JARID2: variants seen among roughly 807,000 people sequenced by gnomAD.
JARID2 encodes jumonji and AT-rich interaction domain containing 2.
Under a neutral mutation model 125.6 loss-of-function variants are expected in JARID2, and 21 were observed. The ratio of observed to expected loss-of-function variants is 0.17; its 90% CI spans 0.12 to 0.24. JARID2 has a LOEUF of 0.24. JARID2 is among the 10% of genes least tolerant of loss of function. The pLI, the probability that JARID2 is intolerant of heterozygous loss-of-function variation, is 1.00. For synonymous variants in JARID2, 736 were observed against 661.6 expected (o/e 1.11, Z -1.73); for missense variants, 1,303 against 1,639.6 (o/e 0.79, Z 3.55).
chr6:15,467,944 T>C (rs1768821429), intron 4 of JARID2, among the ~76,000 whole-genome samples: 1 of 152,200 alleles, frequency 6.6e-6, no homozygotes, highest in Admixed American at 6.5e-5. Context: ...TTTATTTCTT[T>C]ATTTTTTATT....
chr6:15,433,969 T>A (rs1767090045), intron 3 of JARID2, among the ~76,000 whole-genome samples: 2 of 129,892 alleles, frequency 1.5e-5, no homozygotes, highest in Admixed American at 7.8e-5. Context: ...TGTGTGTGTG[T>A]GTCAGGAGTA....
chr6:15,393,077 C>T (rs931649682), intron 2 of JARID2, among the ~76,000 whole-genome samples: 1 of 152,140 alleles, frequency 6.6e-6, no homozygotes, highest in Non-Finnish European at 1.5e-5. Context: ...AGGCAGGATA[C>T]GCATGAAATG....
At chr6:15,388,915 T>C (rs528994668) in intron 2 of JARID2, among the ~76,000 whole-genome samples, 1 of 152,256 alleles carries the variant, frequency 6.6e-6, no homozygotes, top group East Asian at 1.9e-4. Flanking sequence ...GCCCTTGTCA[T>C]CTGGGTAATC....
chr6:15,510,839 G>A (rs1460985449), intron 12 of JARID2, among the ~76,000 whole-genome samples: 5 of 152,222 alleles, frequency 3.3e-5, no homozygotes, highest in Non-Finnish European at 7.3e-5. Flanking sequence ...CCTGTCTGGA[G>A]GGCCGAGGGA....
chr6:15,250,078 A>G (rs1168620777), intron 1 of JARID2, among the ~76,000 whole-genome samples: 1 of 152,216 alleles, frequency 6.6e-6, no homozygotes, highest in Non-Finnish European at 1.5e-5. Context: ...TTATGAAGAT[A>G]GTAATTCCTG....
chr6:15,387,286 G>A (rs1764823293), intron 2 of JARID2, among the ~76,000 whole-genome samples: 4 of 152,200 alleles, frequency 2.6e-5, no homozygotes, highest in Admixed American at 2.6e-4. Flanking sequence ...TCTTGCGGCT[G>A]TGGTGAAAGT....
intron 3 of JARID2, among the ~76,000 whole-genome samples, chr6:15,414,284 C>T (rs995950821): frequency 1.2e-4 from 19 of 152,122 alleles, no homozygotes; most frequent in Admixed American, 7.2e-4. Flanking sequence ...TCTGATGATG[C>T]TAATAACATG....
chr6:15,482,775 C>T (rs926195765), intron 5 of JARID2, among the ~76,000 whole-genome samples: 5 of 152,230 alleles, frequency 3.3e-5, no homozygotes. Flanking sequence ...CTCTGGGAAC[C>T]TGTACCTGTA....
chr6:15,246,735 A>C, intron 1 of JARID2, 151 bp downstream of exon 1: 1 of 725,340 alleles, frequency 1.4e-6, no homozygotes, highest in East Asian at 2.6e-5. Context: ...CTTTTCAAGC[A>C]AAGTGGTGTC....
chr6:15,407,808 T>C (rs191801532), intron 2 of JARID2, among the ~76,000 whole-genome samples: 257 of 152,334 alleles, frequency 1.7e-3, no homozygotes, highest in Middle Eastern at 6.8e-3. Flanking sequence ...TGTCTGTGTT[T>C]GTCTGTCTCT....
In JARID2 at chr6:15,505,948, C is replaced by T. The variant is rs117102774; in HGVS notation, c.2542-1188C>T. On this transcript the variant is annotated intron_variant, in intron 9 of 17. Transcript: ENST00000341776. ...AAGAGGCCTTTATTGCCAAACAACA[C>T]GTGTCCTGTGGGCATCTCCCCAGAG... is the stretch of plus-strand genomic sequence containing the variant. Among the ~76,000 whole-genome samples the T allele has an allele frequency of 7.4e-3, 1,125 of 152,370 alleles. 15 individuals carry two copies. The highest frequency in any genetic ancestry group is 0.047 in the East Asian group (246 of 5,184).
intron 5 of JARID2, among the ~76,000 whole-genome samples, chr6:15,478,607 G>C (rs1581621508): frequency 6.6e-6 from 1 of 152,006 alleles, no homozygotes; most frequent in South Asian, 2.1e-4. Flanking sequence ...AGGTGAGCCA[G>C]AACTCTTATC....
chr6:15,349,005 T>TCA (rs1051774291), intron 1 of JARID2, among the ~76,000 whole-genome samples: 1 of 152,256 alleles, frequency 6.6e-6, no homozygotes, highest in Non-Finnish European at 1.5e-5. Flanking sequence ...AAAAGGGTTT[T>TCA]CACATTAACT....
At chr6:15,327,480 A>G (rs1331528478) in intron 1 of JARID2, among the ~76,000 whole-genome samples, 1 of 152,164 alleles carries the variant, frequency 6.6e-6, no homozygotes, top group East Asian at 1.9e-4. Context: ...GGGCAGGTAT[A>G]AATGTGAGTG....
chr6:15,420,550 A>G (rs961715611), intron 3 of JARID2, among the ~76,000 whole-genome samples: 48 of 152,306 alleles, frequency 3.2e-4, no homozygotes, highest in African/African-American at 1.1e-3. Context: ...CATTATTTAC[A>G]AAACAGTTTT....
chr6:15,404,459 A>G (rs1344634637), intron 2 of JARID2, among the ~76,000 whole-genome samples: 1 of 151,814 alleles, frequency 6.6e-6, no homozygotes, highest in East Asian at 1.9e-4. Flanking sequence ...TGATGACCTC[A>G]GAGAGGGCCC....
At chr6:15,486,743 G>A (rs968902695) in intron 5 of JARID2, among the ~76,000 whole-genome samples, 26 of 150,392 alleles carry the variant, frequency 1.7e-4, no homozygotes, top group African/African-American at 5.7e-4. Flanking sequence ...GCTGCGCCCC[G>A]AACTCATGCA....
chr6:15,287,864 C>G (rs1337017776), intron 1 of JARID2, among the ~76,000 whole-genome samples: 1 of 152,166 alleles, frequency 6.6e-6, no homozygotes, highest in African/African-American at 2.4e-5. Context: ...GTATAATACC[C>G]ACTTCCCCAT....
intron 4 of JARID2, among the ~76,000 whole-genome samples, chr6:15,459,919 A>G (rs1768364745): frequency 6.6e-6 from 1 of 152,238 alleles, no homozygotes; most frequent in African/African-American, 2.4e-5. Flanking sequence ...GCAAAATGGG[A>G]ATACTTTACA....
Sources: gnomAD v4.1 joint callset for allele counts (sites outside exome capture counted in the v4.1 genomes callset) on GRCh38, gnomAD v4.1.1 for gene constraint, MANE v1.5 for transcripts, NCBI Gene and HGNC (gene_info 2026-07-23, HGNC 2026-07-21) for gene names.